NSMCE1: variants seen among roughly 807,000 people sequenced by gnomAD.
The protein encoded by NSMCE1 is non-structural maintenance of chromosomes element 1 homolog.
Under a neutral mutation model 29.6 loss-of-function variants are expected in NSMCE1, and 18 were observed. The observed-to-expected ratio is 0.61, with a 90% CI of 0.42 to 0.90. The LOEUF is 0.90. NSMCE1 is among the 40% of genes least tolerant of loss of function. NSMCE1 has a pLI of 0.00. For synonymous variants in NSMCE1, 124 were observed against 133.4 expected (o/e 0.93, Z 0.49); for missense variants, 314 against 343.6 (o/e 0.91, Z 0.68).
intron 2 of NSMCE1, among the ~76,000 whole-genome samples, chr16:27,248,430 G>A (rs1385169619): frequency 1.3e-4 from 2 of 15,936 alleles, no homozygotes; most frequent in Non-Finnish European, 2.6e-4. Context: ...TTTTTTTTTT[G>A]AGACAGAGTG....
At chr16:27,226,682 G>T in intron 6 of NSMCE1, 38 bp downstream of exon 6, 1 of 1,350,494 alleles carries the variant, frequency 7.4e-7, no homozygotes, top group Non-Finnish European at 1.1e-6. Flanking sequence ...GGAGCCGAGG[G>T]CCCAGTGATG....
rs1403531471 is a variant in NSMCE1 at position 27,235,199 on chromosome 16, A to G, written c.237T>C (p.Asp79=). ...IEIKRGVTED[D]GRPIYALVNL... ...TCACCAACGCATAAATGGGTCTCCC[A>G]TCATCTTCCGTGACTCCTCTCTTTA... The change falls in exon 3 of 8, where the codon GAT becomes GAC. Residue 79 remains aspartate (D), a synonymous_variant. Coordinates refer to ENST00000361439, the MANE Select transcript of NSMCE1 (RefSeq NM_145080.4). 1.1e-5 allele frequency: 18 copies of G among 1,613,950 alleles called. No homozygotes were observed. The highest frequency in any genetic ancestry group is 1.4e-5 in the Non-Finnish European group (16 of 1,179,992).
At chr16:27,246,315 A>C (rs1258730963) in intron 2 of NSMCE1, among the ~76,000 whole-genome samples, 2 of 152,228 alleles carry the variant, frequency 1.3e-5, no homozygotes, top group African/African-American at 4.8e-5. Context: ...TGTCCTTAAA[A>C]CAATAGATAA....
rs994044833 is a variant in NSMCE1 at position 27,252,926 on chromosome 16, T to A, written c.136+4509A>T. On this transcript the variant is annotated intron_variant, in intron 2 of 7. Coordinates refer to ENST00000361439, the MANE Select transcript of NSMCE1 (RefSeq NM_145080.4). ...AAGAGCAAAACTGTCTCAAAAAAAATAAAAATAAAAATAAAAAAGAAACCC... is the reference window on the plus strand; with the variant it reads ...AAGAGCAAAACTGTCTCAAAAAAAAAAAAAATAAAAATAAAAAAGAAACCC... 2.0e-5 allele frequency among the ~76,000 whole-genome samples: 3 copies of A among 151,588 alleles called. No individual in the cohort carries two copies. The South Asian group carries it at 6.3e-4, about 32-fold the overall frequency.
intron 2 of NSMCE1, among the ~76,000 whole-genome samples, chr16:27,254,938 G>A (rs895922402): frequency 5.5e-5 from 8 of 145,346 alleles, no homozygotes; most frequent in African/African-American, 1.6e-4. Flanking sequence ...GGAGTGCAGG[G>A]GCAGGATCTC....
intron 1 of NSMCE1, among the ~76,000 whole-genome samples, chr16:27,261,036 G>A (rs1447511149): frequency 6.6e-6 from 1 of 151,286 alleles, no homozygotes; most frequent in Non-Finnish European, 1.5e-5. Context: ...GCATGGTGGT[G>A]CGTGCCTATA....
In NSMCE1 at chr16:27,267,123, G is replaced by T. The variant is rs115641630; in HGVS notation, c.-12+1583C>A. On this transcript the variant is annotated intron_variant, in intron 1 of 7. Coordinates refer to ENST00000361439, the MANE Select transcript of NSMCE1 (RefSeq NM_145080.4). ...ATAAACCAATTAAAAAAACCTTTTC[G>T]AAGGCTTTTGAAGCATTATATAAAT... Among the ~76,000 whole-genome samples the T allele has an allele frequency of 8.2e-3, 1,238 of 151,850 alleles. 11 individuals are homozygous for T. The highest frequency in any genetic ancestry group is 0.028 in the African/African-American group (1,144 of 41,432).
chr16:27,262,562 C>G (rs1435587482), intron 1 of NSMCE1, among the ~76,000 whole-genome samples: 2 of 152,034 alleles, frequency 1.3e-5, no homozygotes, highest in African/African-American at 4.8e-5. Context: ...GAGGCTGGAC[C>G]CCTTCCTTAC....
At chr16:27,249,927 T>C (rs1236069290) in intron 2 of NSMCE1, among the ~76,000 whole-genome samples, 1 of 152,244 alleles carries the variant, frequency 6.6e-6, no homozygotes, top group Non-Finnish European at 1.5e-5. Context: ...TAAATCTCCT[T>C]TGACTTCTCT....
intron 6 of NSMCE1, 125 bp downstream of exon 6, chr16:27,226,595 T>G: frequency 1.6e-6 from 1 of 642,948 alleles, no homozygotes; most frequent in Non-Finnish European, 2.7e-6. Flanking sequence ...CGCCAGCTCT[T>G]GTGGGAGGAT....
At chr16:27,255,930 T>C (rs2084082042) in intron 2 of NSMCE1, among the ~76,000 whole-genome samples, 1 of 152,204 alleles carries the variant, frequency 6.6e-6, no homozygotes, top group Non-Finnish European at 1.5e-5. Context: ...TAAAAGTGGC[T>C]GGGAAGAAGA....
chr16:27,267,099 T>A (rs188431899), intron 1 of NSMCE1, among the ~76,000 whole-genome samples: 290 of 152,154 alleles, frequency 1.9e-3, no homozygotes, highest in Admixed American at 3.0e-3. Context: ...TATATACAGA[T>A]AAACCAATTA....
At chr16:27,244,740 T>C (rs1435894549) in intron 2 of NSMCE1, among the ~76,000 whole-genome samples, 1 of 152,216 alleles carries the variant, frequency 6.6e-6, no homozygotes, top group Admixed American at 6.5e-5. Flanking sequence ...TTCCAGCACT[T>C]AGCACCCCAA....
intron 1 of NSMCE1, among the ~76,000 whole-genome samples, chr16:27,261,039 TGCCTA>T (rs1249833882): frequency 1.3e-5 from 2 of 150,942 alleles, no homozygotes. Flanking sequence ...TGGTGGTGCG[TGCCTA>T]TAGTCCCAAC....
intron 2 of NSMCE1, chr16:27,241,763 A>C (rs1031362000): frequency 5.4e-5 from 22 of 408,730 alleles, no homozygotes; most frequent in Admixed American, 8.3e-5. Flanking sequence ...TCGGTGCACC[A>C]GCTCATTCAC....
chr16:27,234,167 A>C, intron 4 of NSMCE1, 21 bp downstream of exon 4: 1 of 1,527,258 alleles, frequency 6.5e-7, no homozygotes, highest in Non-Finnish European at 9.1e-7. Context: ...CCCAATGGGC[A>C]ATGGGGATTA....
At chr16:27,226,887 TCAC>T (rs2083703224) in intron 5 of NSMCE1, 51 bp from the exon 6 acceptor site, 2 of 1,079,230 alleles carry the variant, frequency 1.9e-6, no homozygotes, top group South Asian at 2.6e-5. Context: ...CTCTCCCCAT[TCAC>T]CACCTCTCTT....
intron 2 of NSMCE1, among the ~76,000 whole-genome samples, chr16:27,250,207 G>A (rs1567280709): frequency 6.6e-6 from 1 of 152,174 alleles, no homozygotes. Flanking sequence ...TCTGTGAACT[G>A]ACAGTTTTAC....
intron 2 of NSMCE1, among the ~76,000 whole-genome samples, chr16:27,240,473 C>G (rs1376726055): frequency 6.6e-6 from 1 of 152,106 alleles, no homozygotes; most frequent in Admixed American, 6.5e-5. Context: ...CTCAACCCAG[C>G]CCACCCCAGC....
Sources: gnomAD v4.1 joint callset for allele counts (sites outside exome capture counted in the v4.1 genomes callset) on GRCh38, gnomAD v4.1.1 for gene constraint, MANE v1.5 for transcripts, NCBI Gene and HGNC (gene_info 2026-07-23, HGNC 2026-07-21) for gene names.